The following SYNCRIP variants were observed in gnomAD, a reference collection of about 807,000 sequenced individuals.
SYNCRIP encodes heterogeneous nuclear ribonucleoprotein Q.
SYNCRIP carries 9 observed loss-of-function variants against 68.9 expected under a neutral mutation model. The ratio of observed to expected loss-of-function variants is 0.13; its 90% CI spans 0.08 to 0.23. The LOEUF (loss-of-function observed/expected upper bound fraction) is 0.23. Among genes scored for constraint, SYNCRIP ranks in the 10% least tolerant of loss-of-function variants. SYNCRIP has a pLI of 1.00. For missense variants in SYNCRIP, 414 were observed against 770.6 expected (o/e 0.54, Z 5.48); for synonymous variants, 258 against 254.0 (o/e 1.02, Z -0.15).
At chr6:85,615,803 C>T (rs746823707) in intron 10 of SYNCRIP, among the ~76,000 whole-genome samples, 16 of 152,082 alleles carry the variant, frequency 1.1e-4, no homozygotes, top group Admixed American at 4.6e-4. Context: ...GAGCGAGACT[C>T]TGACTCAAAA....
intron 6 of SYNCRIP, among the ~76,000 whole-genome samples, chr6:85,636,097 G>C (rs114063033): frequency 6.6e-6 from 1 of 152,132 alleles, no homozygotes; most frequent in African/African-American, 2.4e-5. Context: ...TTCTGTCACA[G>C]AACTTAATAA....
rs766249892 is a variant in SYNCRIP, at chr6:85,640,469, C to T, written c.244G>A (p.Asp82Asn). The T allele has an allele frequency of 6.2e-7, 1 of 1,607,000 alleles. No homozygotes were observed. Among genetic ancestry groups the T allele is most frequent in the Non-Finnish European group, 8.5e-7 (1 of 1,177,776 alleles). ...ACCTGAACATGAGAGAGATCACTGT[C>T]TTTAAACTGTTGAAGAACTGCCAAT... ...GALAVLQQFK[D>N]SDLSHVQNKS... Residue 82 changes from aspartate (D) to asparagine (N), a missense_variant, in exon 3 of 11, where the codon GAC becomes AAC. Transcript: ENST00000369622.
chr6:85,635,774 CAA>C (rs58599854), intron 6 of SYNCRIP, among the ~76,000 whole-genome samples: 150 of 78,888 alleles, frequency 1.9e-3, no homozygotes, highest in African/African-American at 4.8e-3. Flanking sequence ...TTCTATCTCC[CAA>C]AAAAAAAAAA....
intron 6 of SYNCRIP, among the ~76,000 whole-genome samples, chr6:85,632,978 C>T (rs1016823397): frequency 4.6e-5 from 7 of 151,724 alleles, no homozygotes; most frequent in Admixed American, 1.3e-4. Flanking sequence ...TAAGGCCGGG[C>T]GCGGTGGCTC....
intron 6 of SYNCRIP, among the ~76,000 whole-genome samples, chr6:85,628,828 C>A (rs1214149159): frequency 2.0e-5 from 3 of 152,198 alleles, no homozygotes; most frequent in Non-Finnish European, 4.4e-5. Context: ...TGACGGTCAT[C>A]CAAGGCATTT....
chr6:85,639,675 G>A (rs954483134), intron 4 of SYNCRIP, among the ~76,000 whole-genome samples: 2 of 151,976 alleles, frequency 1.3e-5, no homozygotes, highest in South Asian at 2.1e-4. Context: ...AAACCAAGCT[G>A]AATTTGAAGC....
chr6:85,634,745 A>C (rs1808253206), intron 6 of SYNCRIP, among the ~76,000 whole-genome samples: 2 of 152,302 alleles, frequency 1.3e-5, no homozygotes, highest in South Asian at 4.1e-4. Context: ...CTGCTACTTT[A>C]TTGCTACTTG....
intron 6 of SYNCRIP, among the ~76,000 whole-genome samples, chr6:85,628,036 AG>A (rs1807257715): frequency 6.6e-6 from 1 of 151,784 alleles, no homozygotes; most frequent in African/African-American, 2.4e-5. Flanking sequence ...CTACCTCCAA[AG>A]CCTTCCACAT....
At chr6:85,620,154 G>C (rs1806225798) in intron 8 of SYNCRIP, among the ~76,000 whole-genome samples, 1 of 152,202 alleles carries the variant, frequency 6.6e-6, no homozygotes, top group African/African-American at 2.4e-5. Context: ...GCTGAAGCAT[G>C]AGAAATGGTT....
In SYNCRIP at chr6:85,615,362, A is replaced by T; in HGVS notation, c.1281-15T>A. On this transcript the variant is annotated splice_polypyrimidine_tract_variant and intron_variant, in intron 10 of 10. Coordinates refer to ENST00000369622, the MANE Select transcript of SYNCRIP (RefSeq NM_006372.5). The stretch of plus-strand genomic sequence containing the variant: ...AATCGTCATACCTATTAAAAAAGAG[A>T]CAGAGATTAGAGTTTAAATCAAATT... 6.9e-7 allele frequency: 1 copy of T among 1,444,874 alleles called. No homozygotes were observed. The highest frequency in any genetic ancestry group is 9.2e-7 in the Non-Finnish European group (1 of 1,087,436). The allele number at this position is 1,444,874 out of a possible 1,614,324, so 89.5% of individuals were successfully genotyped here. A position where few individuals can be genotyped will look rare whatever the true frequency, so the allele number is the denominator to read the frequency against.
intron 7 of SYNCRIP, among the ~76,000 whole-genome samples, chr6:85,623,562 C>CA (rs67258131): frequency 0.019 from 1,182 of 63,220 alleles, 30 homozygotes; most frequent in Non-Finnish European, 0.025. Flanking sequence ...AGACTGTCTC[C>CA]AAAAAAAAAA....
upstream of SYNCRIP, chr6:85,643,176 C>G (rs1198385451): frequency 6.5e-6 from 1 of 152,842 alleles, no homozygotes; most frequent in Non-Finnish European, 1.5e-5. Context: ...CCCACTGCTC[C>G]CACTCCCCTC....
At chr6:85,640,649 G>A (rs2128304843) in intron 2 of SYNCRIP, 85 bp from the exon 3 acceptor site, 2 of 728,196 alleles carry the variant, frequency 2.7e-6, no homozygotes, top group Non-Finnish European at 4.3e-6. Flanking sequence ...AGGTACATGT[G>A]TGCCTTTACA....
intron 6 of SYNCRIP, among the ~76,000 whole-genome samples, chr6:85,629,516 C>CAA (rs781083306): frequency 0.25 from 16,183 of 64,872 alleles, 2,108 homozygotes; most frequent in Non-Finnish European, 0.32. Flanking sequence ...ACTAAAAATA[C>CAA]AAAAAAAAAA....
At chr6:85,635,554 G>A (rs1808340128) in intron 6 of SYNCRIP, among the ~76,000 whole-genome samples, 1 of 152,066 alleles carries the variant, frequency 6.6e-6, no homozygotes, top group South Asian at 2.1e-4. Context: ...CATATCTTCT[G>A]AGGTCAAGAG....
chr6:85,625,139 C>T (rs1806891889), intron 6 of SYNCRIP, among the ~76,000 whole-genome samples: 1 of 152,102 alleles, frequency 6.6e-6, no homozygotes, highest in Admixed American at 6.6e-5. Flanking sequence ...TCCCCATCTC[C>T]AGAAAATCAA....
intron 6 of SYNCRIP, among the ~76,000 whole-genome samples, chr6:85,633,888 C>T (rs1808125140): frequency 6.6e-6 from 1 of 152,138 alleles, no homozygotes; most frequent in Non-Finnish European, 1.5e-5. Context: ...TACCAAAGTG[C>T]TGGGACTACA....
chr6:85,634,333 G>A (rs1324196530), intron 6 of SYNCRIP, among the ~76,000 whole-genome samples: 1 of 151,832 alleles, frequency 6.6e-6, no homozygotes, highest in Non-Finnish European at 1.5e-5. Context: ...ATAAGTTATA[G>A]TGGTCACCTA....
chr6:85,618,219 G>A (rs1336363032), intron 10 of SYNCRIP, among the ~76,000 whole-genome samples: 2 of 152,056 alleles, frequency 1.3e-5, no homozygotes, highest in Non-Finnish European at 2.9e-5. Context: ...GACATTTTCA[G>A]AAGAACATTC....
Sources: gnomAD v4.1 joint callset for allele counts (sites outside exome capture counted in the v4.1 genomes callset) on GRCh38, gnomAD v4.1.1 for gene constraint, MANE v1.5 for transcripts, NCBI Gene and HGNC (gene_info 2026-07-23, HGNC 2026-07-21) for gene names.